PPIG: variants seen among roughly 807,000 people sequenced by gnomAD.
PPIG encodes peptidyl-prolyl cis-trans isomerase G.
Under a neutral mutation model 87.9 loss-of-function variants are expected in PPIG, and 26 were observed. The ratio of observed to expected loss-of-function variants is 0.30; its 90% CI spans 0.22 to 0.41. The LOEUF (loss-of-function observed/expected upper bound fraction) is 0.41. PPIG is among the 10% of genes least tolerant of loss of function. The pLI, the probability that PPIG is intolerant of heterozygous loss-of-function variation, is 1.00. For synonymous variants in PPIG, 308 were observed against 276.5 expected (o/e 1.11, Z -1.13); for missense variants, 722 against 879.4 (o/e 0.82, Z 2.26).
At chr2:169,611,898 T>G (rs1685498105) in intron 7 of PPIG, among the ~76,000 whole-genome samples, 1 of 152,158 alleles carries the variant, frequency 6.6e-6, no homozygotes, top group Non-Finnish European at 1.5e-5. Flanking sequence ...TAAAAAAAAT[T>G]TTTTTGTACT....
In PPIG at chr2:169,637,037, C is replaced by G. The variant is rs1484671353; in HGVS notation, c.1779C>G (p.Tyr593Ter). The G allele has an allele frequency of 1.9e-6, 3 of 1,613,676 alleles. No individual in the cohort carries two copies. The highest frequency in any genetic ancestry group is 2.5e-6 in the Non-Finnish European group (3 of 1,179,912). Residue 593 changes from tyrosine to a stop codon, truncating the protein, a stop_gained, in exon 14 of 14, where the codon TAC becomes TAG. Coordinates refer to ENST00000260970, the MANE Select transcript of PPIG (RefSeq NM_004792.3). LOFTEE classifies it high-confidence loss of function. Reference sequence around the variant, plus strand: ...GCAGAAGCAAGGAGTACCATAGATACAGAGAACAGGAATACAGGAGAAGAG... The same window carrying G: ...GCAGAAGCAAGGAGTACCATAGATAGAGAGAACAGGAATACAGGAGAAGAG... ...DRSRSKEYHRYREQEYRRRGR... is the reference protein window; with the variant it reads ...DRSRSKEYHR
intron 1 of PPIG, among the ~76,000 whole-genome samples, chr2:169,600,687 G>A (rs531300063): frequency 3.3e-5 from 5 of 151,432 alleles, no homozygotes; most frequent in Non-Finnish European, 5.9e-5. Flanking sequence ...TAAGAAAAAA[G>A]AAAAAAATAT....
intron 1 of PPIG, among the ~76,000 whole-genome samples, chr2:169,594,278 C>T (rs113882387): frequency 6.9e-6 from 1 of 145,586 alleles, no homozygotes; most frequent in African/African-American, 2.5e-5. Flanking sequence ...TCCATTTGTA[C>T]ATGTGTTGAG....
chr2:169,620,472 C>T (rs750831188), intron 9 of PPIG, among the ~76,000 whole-genome samples: 5 of 151,944 alleles, frequency 3.3e-5, no homozygotes, highest in Non-Finnish European at 7.4e-5. Flanking sequence ...TTTGCTTCCA[C>T]TGAGTTTTTG....
At chr2:169,601,643 A>G (rs994936995) in intron 1 of PPIG, among the ~76,000 whole-genome samples, 1 of 152,156 alleles carries the variant, frequency 6.6e-6, no homozygotes, top group East Asian at 1.9e-4. Flanking sequence ...ACCTGATGAA[A>G]GAGTAGGCTG....
At chr2:169,614,961 T>G (rs1405442873) in intron 9 of PPIG, among the ~76,000 whole-genome samples, 2 of 152,310 alleles carry the variant, frequency 1.3e-5, no homozygotes, top group African/African-American at 4.8e-5. Context: ...TAAATTGAGC[T>G]AATTAACATT....
chr2:169,634,925 T>A (rs183880388), intron 12 of PPIG, among the ~76,000 whole-genome samples: 261 of 152,286 alleles, frequency 1.7e-3, no homozygotes, highest in African/African-American at 5.9e-3. Flanking sequence ...GTTATATCTA[T>A]CAATATTTAC....
intron 1 of PPIG, among the ~76,000 whole-genome samples, chr2:169,597,853 T>G (rs983270983): frequency 4.9e-5 from 4 of 82,466 alleles, no homozygotes; most frequent in African/African-American, 1.8e-4. Flanking sequence ...TTCTGTACCT[T>G]GCTTGTTTGT....
In PPIG at chr2:169,637,090, C is replaced by A; in HGVS notation, c.1832C>A (p.Thr611Lys). Reference protein sequence around the residue: ...RGRSRSRERRTPPGRSRSKDR... With the variant: ...RGRSRSRERRKPPGRSRSKDR... Reference sequence around the variant, plus strand: ...CGGTCACGAAGCCGAGAGAGAAGAACACCACCAGGAAGATCAAGAAGTAAA... The same window carrying A: ...CGGTCACGAAGCCGAGAGAGAAGAAAACCACCAGGAAGATCAAGAAGTAAA... Residue 611 changes from threonine (T) to lysine (K), a missense_variant, in exon 14 of 14, where the codon ACA (threonine) becomes AAA (lysine). Transcript: ENST00000260970. The A allele has an allele frequency of 6.2e-7, 1 of 1,613,000 alleles. No homozygotes were observed. The highest frequency in any genetic ancestry group is 1.7e-5 in the Admixed American group (1 of 59,794).
intron 9 of PPIG, among the ~76,000 whole-genome samples, chr2:169,619,990 G>T (rs1271792566): frequency 6.6e-6 from 1 of 152,062 alleles, no homozygotes; most frequent in Non-Finnish European, 1.5e-5. Context: ...CCCGTTGTCA[G>T]ATGTATGGTT....
intron 5 of PPIG, 48 bp from the exon 6 acceptor site, chr2:169,607,056 C>G (rs746306449): frequency 8.0e-7 from 1 of 1,251,482 alleles, no homozygotes; most frequent in Admixed American, 1.9e-5. Context: ...TAGGTATCAC[C>G]TTTGAGGAGC....
In PPIG at chr2:169,637,759, T is replaced by C; in HGVS notation, c.*236T>C. 2 of 361,398 alleles carry C rather than the reference T, an allele frequency of 5.5e-6. No individual in the cohort carries two copies. Among genetic ancestry groups the C allele is most frequent in the African/African-American group, 2.1e-5 (1 of 47,458 alleles). 22.4% of individuals were successfully genotyped at this position (361,398 alleles called of 1,614,324 possible). A position where few individuals can be genotyped will look rare whatever the true frequency, so the allele number is the denominator to read the frequency against. On this transcript the variant is annotated 3_prime_UTR_variant, in exon 14 of 14. Coordinates refer to ENST00000260970, the MANE Select transcript of PPIG (RefSeq NM_004792.3). ...TGAGAAAAACACTTTGGTGTAGTACTGTGTGCTGTGTTTAACTATTTTATG... is the reference window on the plus strand; with the variant it reads ...TGAGAAAAACACTTTGGTGTAGTACCGTGTGCTGTGTTTAACTATTTTATG...
chr2:169,590,073 C>A (rs755037492), intron 1 of PPIG, among the ~76,000 whole-genome samples: 1 of 151,106 alleles, frequency 6.6e-6, no homozygotes, highest in Non-Finnish European at 1.5e-5. Context: ...TGCACCATTG[C>A]ACTCCAGCCT....
chr2:169,614,026 C>T (rs1202908602), intron 7 of PPIG, among the ~76,000 whole-genome samples: 2 of 152,176 alleles, frequency 1.3e-5, no homozygotes, highest in African/African-American at 2.4e-5. Flanking sequence ...GAATATAGCC[C>T]GTGCTTAACT....
At chr2:169,604,574 T>A (rs1042049753) in intron 4 of PPIG, among the ~76,000 whole-genome samples, 5 of 152,058 alleles carry the variant, frequency 3.3e-5, no homozygotes, top group Non-Finnish European at 5.9e-5. Flanking sequence ...AAGTAATTCT[T>A]AGAAATATTA....
In PPIG at chr2:169,636,935, T is replaced by C. The variant is rs1686195143; in HGVS notation, c.1677T>C (p.Asn559=). 1 of 1,613,726 alleles carries C rather than the reference T, an allele frequency of 6.2e-7. No homozygotes were observed. Among genetic ancestry groups the C allele is most frequent in the Admixed American group, 1.7e-5 (1 of 59,948 alleles). ...CDITKGKHSY[N]SRTRERSRSR... is the part of the protein sequence containing the mutation. ...TAACTAAAGGTAAACACAGTTATAA[T>C]AGCAGAACAAGAGAACGAAGCAGAA... The change falls in exon 14 of 14, where the codon AAT becomes AAC. Residue 559 remains asparagine (N), a synonymous_variant. Coordinates refer to ENST00000260970, the MANE Select transcript of PPIG (RefSeq NM_004792.3).
intron 1 of PPIG, among the ~76,000 whole-genome samples, chr2:169,593,555 C>A (rs1684929063): frequency 6.6e-6 from 1 of 152,042 alleles, no homozygotes; most frequent in Admixed American, 6.6e-5. Context: ...TATTTCCTTT[C>A]ACTCTTTTTT....
At chr2:169,588,376 C>T (rs182783884) in intron 1 of PPIG, among the ~76,000 whole-genome samples, 10 of 151,962 alleles carry the variant, frequency 6.6e-5, no homozygotes, top group East Asian at 1.9e-4. Flanking sequence ...TAGTTTTTAC[C>T]GTGAAATTGT....
In PPIG at chr2:169,631,909, G is replaced by T; in HGVS notation, c.905G>T (p.Arg302Ile). The T allele has an allele frequency of 6.3e-7, 1 of 1,597,546 alleles. No individual in the cohort carries two copies. The highest frequency in any genetic ancestry group is 8.6e-7 in the Non-Finnish European group (1 of 1,166,930). ...GCTGATGAGAAGGAAAGGAAAAACA[G>T]AGAGAGAGAAAGGGAAAGAGAGTGG... is the stretch of plus-strand genomic sequence containing the variant. ...PKADEKERKN[R>I]ERERERECNP... is the part of the protein sequence containing the mutation. Residue 302 changes from arginine (R) to isoleucine (I), a missense_variant, in exon 11 of 14, where the codon AGA becomes ATA. By Grantham distance (97) the Arg-to-Ile change is moderately conservative. Transcript: ENST00000260970.
Sources: allele counts gnomAD v4.1 joint callset (sites outside exome capture counted in the v4.1 genomes callset), GRCh38; gene constraint gnomAD v4.1.1; transcripts MANE v1.5; gene names NCBI Gene and HGNC (gene_info 2026-07-23, HGNC 2026-07-21).